Variants in CFAP65 observed in about 807,000 individuals in gnomAD.
CFAP65 encodes cilia- and flagella-associated protein 65.
A neutral mutation model predicts 208.0 loss-of-function variants in CFAP65; 155 were observed. That is an observed-to-expected ratio of 0.75 (90% CI 0.65 to 0.85). The LOEUF is 0.85. CFAP65 is among the 40% of genes least tolerant of loss of function. CFAP65 has a pLI of 0.00. For synonymous variants in CFAP65, 970 were observed against 986.3 expected, an observed-to-expected ratio of 0.98 and a Z score of 0.31; for missense variants, 2,294 against 2,451.3, an observed-to-expected ratio of 0.94 and a Z score of 1.36.
Position 219,024,004 on chromosome 2 carries a change from C to T in CFAP65, c.2595+11G>A, listed in dbSNP as rs1947445696. The T allele has an allele frequency of 6.2e-7, 1 of 1,609,972 alleles. No individual in the cohort carries two copies. The highest frequency in any genetic ancestry group is 2.2e-5 in the East Asian group (1 of 44,742). ...TCCCAAGGACCCAGGTCCCCTCCCT[C>T]TGCCTCCTACCTTGAGATACTGGGG... On this transcript the variant is annotated intron_variant, in intron 15 of 34. Coordinates refer to ENST00000341552, the MANE Select transcript of CFAP65 (RefSeq NM_194302.4).
chr2:219,030,557 G>A (rs557442479), intron 9 of CFAP65, 132 bp downstream of exon 9: 2 of 1,243,838 alleles, frequency 1.6e-6, no homozygotes, highest in African/African-American at 3.0e-5. Context: ...CCTGTTGACA[G>A]CTGACATGGG....
At position 219,003,110 on chromosome 2, in the gene CFAP65, C is replaced by T. The variant is rs1386099564; in HGVS notation, c.5693+25G>A. 2 of 1,542,564 alleles carry T rather than the reference C, an allele frequency of 1.3e-6. No homozygotes were observed. The highest frequency in any genetic ancestry group is 2.0e-5 in the Admixed American group (1 of 50,668). On this transcript the variant is annotated intron_variant, in intron 34 of 34. Coordinates refer to ENST00000341552, the MANE Select transcript of CFAP65 (RefSeq NM_194302.4). This position sits in a 1 kb window ranked among gnomAD's most constrained non-coding sequence, Gnocchi z 4.4. ...CGTGGCCCCTCTCGCGCGGTCTGCGCGGCCGCTGGTCCCGGCGCCCTTACC... is the reference window on the plus strand; with the variant it reads ...CGTGGCCCCTCTCGCGCGGTCTGCGTGGCCGCTGGTCCCGGCGCCCTTACC...
intron 17 of CFAP65, 74 bp downstream of exon 17, chr2:219,022,097 G>C: frequency 6.6e-7 from 1 of 1,513,622 alleles, no homozygotes; most frequent in Non-Finnish European, 8.9e-7. Flanking sequence ...ACCTTGGGAG[G>C]TTCCCTGGGG....
chr2:219,027,129 G>A (rs1484745806), intron 13 of CFAP65: 2 of 1,110,130 alleles, frequency 1.8e-6, no homozygotes, highest in Non-Finnish European at 2.2e-6. Flanking sequence ...ACTAACGGAT[G>A]AGGAGGGGGC....
chr2:219,008,616 G>A (rs750005757), intron 29 of CFAP65, among the ~76,000 whole-genome samples: 2 of 152,152 alleles, frequency 1.3e-5, no homozygotes, highest in Non-Finnish European at 2.9e-5. Flanking sequence ...ATAGTGGTGG[G>A]CACCTGTAGT....
In CFAP65 at chr2:219,030,776, G is replaced by A. The variant is rs968457113; in HGVS notation, c.1074C>T (p.Ala358=). ...AGTACAACAGCTTCTGGAAGCCCTC[G>A]GCATCCTGGTCCTCCGGGCACTTGT... ...IKHKCPEDQD[A]EGFQKLLYFG... Residue 358 remains alanine (A), a synonymous_variant, in exon 9 of 35, where the codon GCC becomes GCT. Coordinates refer to ENST00000341552, the MANE Select transcript of CFAP65 (RefSeq NM_194302.4). The A allele has an allele frequency of 1.1e-5, 18 of 1,614,050 alleles. No individual in the cohort carries two copies. Among genetic ancestry groups the A allele is most frequent in the Admixed American group, 8.3e-5 (5 of 59,996 alleles).
At chr2:219,014,068 A>T in intron 21 of CFAP65, 24 bp from the exon 22 acceptor site, 1 of 1,579,120 alleles carries the variant, frequency 6.3e-7, no homozygotes, top group Non-Finnish European at 8.6e-7. Context: ...GCAAAGCCAT[A>T]CAAAGAAACT....
intron 1 of CFAP65, among the ~76,000 whole-genome samples, 151 bp from the exon 2 acceptor site, chr2:219,040,715 T>C (rs1352000678): frequency 6.6e-6 from 1 of 152,176 alleles, no homozygotes; most frequent in East Asian, 1.9e-4. Flanking sequence ...CACATGAAAC[T>C]ATTCCAGAGA....
chr2:219,024,865 G>A lies in CFAP65; in HGVS notation c.2350-605C>T, dbSNP rs575793024. On this transcript the variant is annotated intron_variant, in intron 14 of 34. Transcript: ENST00000341552. ...GCTACAGAATCGCTTGAACCCAGGA[G>A]GCAGAGGTTGCAGTGAGCCAAGATC... Among the ~76,000 whole-genome samples, 5 of 152,314 alleles carry A rather than the reference G, an allele frequency of 3.3e-5. No individual in the cohort carries two copies. The South Asian group carries it at 1.0e-3, about 32-fold the overall frequency.
In CFAP65 at chr2:219,027,768, A is replaced by G; in HGVS notation, c.2093T>C (p.Val698Ala). ...WTRRSDCPFW[V>A]TPESCDVPPL... ...GGGCACGTCGCAGCTCTCTGGAGTCACCCAGAAGGGGCAGTCAGACCTTCG... is the reference window on the plus strand; with the variant it reads ...GGGCACGTCGCAGCTCTCTGGAGTCGCCCAGAAGGGGCAGTCAGACCTTCG... The change falls in exon 13 of 35, where the codon GTG (valine) becomes GCG (alanine). Residue 698 changes from valine (V) to alanine (A), a missense_variant. By Grantham distance (64) the Val-to-Ala change is moderately conservative. Around this residue, in one of 2 missense-constraint regions of CFAP65, gnomAD observed 867 missense variants for 1,012.6 expected, o/e 0.86. Transcript: ENST00000341552. 2 of 1,614,050 alleles carry G rather than the reference A, an allele frequency of 1.2e-6. No individual in the cohort carries two copies. The highest frequency in any genetic ancestry group is 1.7e-6 in the Non-Finnish European group (2 of 1,179,992).
rs1945759019 is a variant in CFAP65 at position 219,003,982 on chromosome 2, T to A, written c.5525A>T (p.Gln1842Leu). 6.2e-7 allele frequency: 1 copy of A among 1,613,816 alleles called. No individual in the cohort carries two copies. The change falls in exon 33 of 35, where the codon CAA (glutamine) becomes CTA (leucine). Residue 1842 changes from glutamine to leucine, a missense_variant. This residue lies in a region of CFAP65 where 1,427 missense variants were observed against 1,438.7 expected (regional missense o/e 0.99). Coordinates refer to ENST00000341552, the MANE Select transcript of CFAP65 (RefSeq NM_194302.4). The surrounding 1 kb of genome is among the most constrained non-coding windows in gnomAD (Gnocchi z 4.4). ...GATGGCCTCCTTCTCGTCCTGTTCT[T>A]GCTCCTCCTTCACCATGACATTCAG... ...QQLNVMVKEE[Q>L]EQDEKEAIRR... is the part of the protein sequence containing the mutation.
At position 219,004,828 on chromosome 2, in the gene CFAP65, G is replaced by A. The variant is rs1378365008; in HGVS notation, c.5052-373C>T. On this transcript the variant is annotated intron_variant, in intron 32 of 34. Transcript: ENST00000341552. The surrounding 1 kb of genome is among the most constrained non-coding windows in gnomAD (Gnocchi z 4.7). Reference sequence around the variant, plus strand: ...AGCCCCACTGTCCTGGGGTGGGGGGGCCGGGGGGGGGGACCGTGGTGGGAT... The same window carrying A: ...AGCCCCACTGTCCTGGGGTGGGGGGACCGGGGGGGGGGACCGTGGTGGGAT... 7.6e-6 allele frequency among the ~76,000 whole-genome samples: 1 copy of A among 131,748 alleles called. No individual in the cohort carries two copies. Among genetic ancestry groups the A allele is most frequent in the African/African-American group, 2.8e-5 (1 of 35,458 alleles). 86.4% of individuals were successfully genotyped at this position (131,748 alleles called of 152,430 possible).
At chr2:219,037,031 A>T (rs1199804901) in intron 4 of CFAP65, among the ~76,000 whole-genome samples, 1 of 152,130 alleles carries the variant, frequency 6.6e-6, no homozygotes, top group East Asian at 1.9e-4. Flanking sequence ...ATTTACTATA[A>T]TATCAGTTGG....
rs1559159266 is a variant in CFAP65, at chr2:219,032,443, G to A, written c.645+27C>T. ...GGTCACTGCTCCCAGGTACCTCCCTGCCCTCACTCGCTGTGGCAGACCTTA... is the reference window on the plus strand; with the variant it reads ...GGTCACTGCTCCCAGGTACCTCCCTACCCTCACTCGCTGTGGCAGACCTTA... On this transcript the variant is annotated intron_variant, in intron 6 of 34. Transcript: ENST00000341552. This position sits in a 1 kb window ranked among gnomAD's most constrained non-coding sequence, Gnocchi z 5.5. 2 of 1,552,496 alleles carry A rather than the reference G, an allele frequency of 1.3e-6. No individual in the cohort carries two copies. Among genetic ancestry groups the A allele is most frequent in the Non-Finnish European group, 1.7e-6 (2 of 1,145,550 alleles).
In CFAP65 at chr2:219,031,469, C is replaced by T. The variant is rs769159039; in HGVS notation, c.815+20G>A. On this transcript the variant is annotated intron_variant, in intron 7 of 34. Coordinates refer to ENST00000341552, the MANE Select transcript of CFAP65 (RefSeq NM_194302.4). The surrounding 1 kb of genome is among the most constrained non-coding windows in gnomAD (Gnocchi z 5.2). ...CTCACAGCTCTTGCTCTCCCCGCCG[C>T]ACCTCAGCCTCTTCCTCACCCCACA... 1.9e-6 allele frequency: 3 copies of T among 1,614,174 alleles called. No homozygotes were observed. In the South Asian group the frequency reaches 3.3e-5, roughly 18 times the overall value.
At chr2:219,016,095 G>C (rs1323875597) in intron 21 of CFAP65, among the ~76,000 whole-genome samples, 1 of 152,114 alleles carries the variant, frequency 6.6e-6, no homozygotes, top group Non-Finnish European at 1.5e-5. Flanking sequence ...CTTGGAGAGG[G>C]GGCTGCGGAG....
chr2:219,041,487 C>A lies in CFAP65; in HGVS notation c.-49+1G>T, dbSNP rs1404188731. ...CCTTGGGACTAACGCTCAGAACTTA[C>A]ATCGCCTCCATATTGCCGTCTCCAT... On this transcript the variant is annotated splice_donor_variant, in intron 1 of 34. Transcript: ENST00000341552. LOFTEE classifies it low-confidence loss of function (5UTR_SPLICE). 1 of 1,550,614 alleles carries A rather than the reference C, an allele frequency of 6.4e-7. No homozygotes were observed. Among genetic ancestry groups the A allele is most frequent in the East Asian group, 2.4e-5 (1 of 40,928 alleles).
In CFAP65 at chr2:219,003,528, G is replaced by A. The variant is rs1023773158; in HGVS notation, c.5556-256C>T. ...CAGGCGATGTAGTAGGCATCTCAGG[G>A]CCAAGTTTAGAGAAAGGTAGGGAAG... On this transcript the variant is annotated intron_variant, in intron 33 of 34. Transcript: ENST00000341552. The surrounding 1 kb of genome is among the most constrained non-coding windows in gnomAD (Gnocchi z 4.4). 1.4e-4 allele frequency among the ~76,000 whole-genome samples: 21 copies of A among 152,316 alleles called. No individual in the cohort carries two copies. Among genetic ancestry groups the A allele is most frequent in the African/African-American group, 5.1e-4 (21 of 41,562 alleles).
chr2:219,028,053 T>C (rs1947764502), intron 12 of CFAP65, 44 bp from the exon 13 acceptor site: 2 of 1,521,774 alleles, frequency 1.3e-6, no homozygotes, highest in South Asian at 1.3e-5. Context: ...CTGCCATTCC[T>C]CTTGCTGTTG....
Sources: allele counts gnomAD v4.1 joint callset (sites outside exome capture counted in the v4.1 genomes callset), GRCh38; gene constraint gnomAD v4.1.1; regional missense constraint gnomAD v4.1.1; non-coding constraint Gnocchi (gnomAD v3.1); transcripts MANE v1.5; gene names NCBI Gene and HGNC (gene_info 2026-07-23, HGNC 2026-07-21).